Variants in ZC3H18 observed in about 807,000 individuals in gnomAD.
The protein encoded by ZC3H18 is zinc finger CCCH domain-containing protein 18.
In ZC3H18, 8 loss-of-function variants were observed where a neutral mutation model predicts 106.1. The ratio of observed to expected loss-of-function variants is 0.08; its 90% CI spans 0.04 to 0.14. The LOEUF is 0.14. ZC3H18 is among the 10% of genes least tolerant of loss of function. The pLI is 1.00. For synonymous variants in ZC3H18, 635 were observed against 522.1 expected (o/e 1.22, Z -2.95); for missense variants, 1,318 against 1,278.4 (o/e 1.03, Z -0.47).
intron 6 of ZC3H18, among the ~76,000 whole-genome samples, chr16:88,605,772 C>G (rs1211199723): frequency 6.6e-6 from 1 of 152,244 alleles, no homozygotes; most frequent in Admixed American, 6.5e-5. Flanking sequence ...AAACTTCTGT[C>G]TTACACGTTC....
intron 8 of ZC3H18, among the ~76,000 whole-genome samples, chr16:88,613,856 C>G (rs530285212): frequency 2.6e-5 from 4 of 152,282 alleles, no homozygotes; most frequent in African/African-American, 7.2e-5. Flanking sequence ...GTGTTCTCTT[C>G]TAAGAGTTTC....
Position 88,609,418 on chromosome 16 carries a change from C to T in ZC3H18, c.1206+367C>T, listed in dbSNP as rs535981970. Reference sequence around the variant, plus strand: ...GTTCAAATGATTCTCCATCCTCAGCCTCCCGAGTAGCTGGGACCACACGCA... The same window carrying T: ...GTTCAAATGATTCTCCATCCTCAGCTTCCCGAGTAGCTGGGACCACACGCA... On this transcript the variant is annotated intron_variant, in intron 7 of 17. Transcript: ENST00000301011. Among the ~76,000 whole-genome samples, 8 of 152,172 alleles carry T rather than the reference C, an allele frequency of 5.3e-5. No homozygotes were observed. In the South Asian group the frequency reaches 1.7e-3, roughly 32 times the overall value.
At chr16:88,621,305 A>G (rs1195517511) in intron 8 of ZC3H18, among the ~76,000 whole-genome samples, 3 of 151,668 alleles carry the variant, frequency 2.0e-5, no homozygotes, top group Non-Finnish European at 4.4e-5. Flanking sequence ...GCTCACTGCA[A>G]GCTCCACCTC....
intron 2 of ZC3H18, among the ~76,000 whole-genome samples, chr16:88,582,219 CTTTTTTTTTTTT>C (rs71391393): frequency 1.3e-5 from 1 of 77,194 alleles, no homozygotes; most frequent in Non-Finnish European, 2.2e-5. Context: ...TTTTTCTTTT[CTTTTTTTTTTTT>C]TTTTTTTTTT....
rs554435271 is a variant in ZC3H18 at position 88,579,727 on chromosome 16, C to T, written c.603+2001C>T. On this transcript the variant is annotated intron_variant, in intron 2 of 17. Transcript: ENST00000301011. ...TTGTGAGGGGACCCACAGTTGAAAA[C>T]GGAGTGCTGCTGTGGAAACCCCAGC... 6.6e-5 allele frequency among the ~76,000 whole-genome samples: 10 copies of T among 152,314 alleles called. No individual in the cohort carries two copies. The East Asian group carries it at 1.2e-3, about 18-fold the overall frequency.
At chr16:88,604,689 G>GA (rs1033559091) in intron 6 of ZC3H18, among the ~76,000 whole-genome samples, 4 of 151,144 alleles carry the variant, frequency 2.6e-5, no homozygotes, top group Non-Finnish European at 4.4e-5. Context: ...CCATCTCAAA[G>GA]AAAAAAAAAG....
Position 88,631,337 on chromosome 16 carries a change from AGG to A in ZC3H18, c.*40_*41del. 3 of 1,552,166 alleles carry A rather than the reference AGG, an allele frequency of 1.9e-6. No homozygotes were observed. Among genetic ancestry groups the A allele is most frequent in the Non-Finnish European group, 1.7e-6 (2 of 1,147,346 alleles). ...CCGGACTGGACGCATTTTTATACAT[AGG>A]GTAAGCGCAGCCATTTTGGATTTTG... On this transcript the variant is annotated 3_prime_UTR_variant, in exon 18 of 18. Transcript: ENST00000301011.
Position 88,599,951 on chromosome 16 carries a change from A to T in ZC3H18, c.1088+3A>T, listed in dbSNP as rs2142686260. On this transcript the variant is annotated splice_donor_region_variant and intron_variant, in intron 6 of 17. Coordinates refer to ENST00000301011, the MANE Select transcript of ZC3H18 (RefSeq NM_144604.4). The stretch of plus-strand genomic sequence containing the variant: ...CCGAGAGATGTCAGAGACACAGTGT[A>T]AGGAATGGCCCTGCCTGCCCCTCCG... The T allele has an allele frequency of 6.2e-7, 1 of 1,613,932 alleles. No individual in the cohort carries two copies. Among genetic ancestry groups the T allele is most frequent in the South Asian group, 1.1e-5 (1 of 91,050 alleles).
chr16:88,590,422 A>G (rs375244025), intron 3 of ZC3H18, among the ~76,000 whole-genome samples: 1 of 152,110 alleles, frequency 6.6e-6, no homozygotes, highest in African/African-American at 2.4e-5. Context: ...CAGCACATAC[A>G]CTACAACTGG....
At chr16:88,582,726 G>A (rs1006206835) in intron 2 of ZC3H18, among the ~76,000 whole-genome samples, 4 of 152,272 alleles carry the variant, frequency 2.6e-5, no homozygotes, top group Admixed American at 6.5e-5. Flanking sequence ...ATGAAAAAGC[G>A]CAGGCCACCG....
intron 3 of ZC3H18, among the ~76,000 whole-genome samples, chr16:88,589,673 C>T (rs537815486): frequency 6.6e-6 from 1 of 150,794 alleles, no homozygotes; most frequent in South Asian, 2.1e-4. Flanking sequence ...TCCACAGAGA[C>T]AGAAAGTAGA....
At position 88,609,041 on chromosome 16, in the gene ZC3H18, A is replaced by G; in HGVS notation, c.1196A>G (p.His399Arg). The G allele has an allele frequency of 3.7e-6, 6 of 1,612,704 alleles. No homozygotes were observed. The highest frequency in any genetic ancestry group is 5.1e-6 in the Non-Finnish European group (6 of 1,179,036). ...CAGTATACAGAAACAGAGCCGTATC[A>G]TAATTACCGAGTAAGTATGACTTCA... is the stretch of plus-strand genomic sequence containing the variant. ...RVQYTETEPY[H>R]NYRERERERE... The change falls in exon 7 of 18, where the codon CAT becomes CGT. Residue 399 changes from histidine to arginine, a missense_variant. By Grantham distance (29) the His-to-Arg change is conservative. Around this residue, in one of 6 missense-constraint regions of ZC3H18, gnomAD observed 848 missense variants for 821.7 expected, o/e 1.03. Coordinates refer to ENST00000301011, the MANE Select transcript of ZC3H18 (RefSeq NM_144604.4).
At chr16:88,591,345 G>T (rs1477880460) in intron 3 of ZC3H18, among the ~76,000 whole-genome samples, 1 of 152,110 alleles carries the variant, frequency 6.6e-6, no homozygotes, top group Non-Finnish European at 1.5e-5. Context: ...GGCCGAGGTG[G>T]GTGGATCACT....
At chr16:88,604,837 T>C (rs1364733586) in intron 6 of ZC3H18, among the ~76,000 whole-genome samples, 1 of 152,074 alleles carries the variant, frequency 6.6e-6, no homozygotes, top group Non-Finnish European at 1.5e-5. Context: ...CGGTCATCAG[T>C]AGTAGCCCCA....
intron 3 of ZC3H18, among the ~76,000 whole-genome samples, chr16:88,591,094 C>G (rs1035059319): frequency 6.6e-6 from 1 of 151,986 alleles, no homozygotes; most frequent in Admixed American, 6.6e-5. Flanking sequence ...CCTCAGCCTC[C>G]TGAGTAGTTG....
intron 5 of ZC3H18, among the ~76,000 whole-genome samples, chr16:88,599,219 G>A (rs1904616914): frequency 6.6e-6 from 1 of 152,170 alleles, no homozygotes; most frequent in African/African-American, 2.4e-5. Flanking sequence ...GCACCCCCAG[G>A]ATCTGCACCC....
At chr16:88,602,243 G>A (rs11648280) in intron 6 of ZC3H18, among the ~76,000 whole-genome samples, 57,034 of 152,152 alleles carry the variant, frequency 0.37, 11,168 homozygotes, top group East Asian at 0.51. Flanking sequence ...CCCAGTTGGC[G>A]GTCAGGCTCC....
intron 2 of ZC3H18, among the ~76,000 whole-genome samples, chr16:88,579,125 G>A (rs1476094273): frequency 1.3e-5 from 2 of 152,206 alleles, no homozygotes; most frequent in African/African-American, 4.8e-5. Flanking sequence ...GTGACTTTAC[G>A]GGACGTGTGT....
intron 8 of ZC3H18, among the ~76,000 whole-genome samples, chr16:88,620,054 G>A (rs950450200): frequency 2.6e-5 from 4 of 152,318 alleles, no homozygotes; most frequent in South Asian, 2.1e-4. Context: ...TCGCGTGTCC[G>A]TGTCCTTAGG....
Sources: gnomAD v4.1 joint callset for allele counts (sites outside exome capture counted in the v4.1 genomes callset) on GRCh38, gnomAD v4.1.1 for gene constraint, gnomAD v4.1.1 regional missense constraint, MANE v1.5 for transcripts, NCBI Gene and HGNC (gene_info 2026-07-23, HGNC 2026-07-21) for gene names.